Variants in ANXA8 observed in about 807,000 individuals in gnomAD.
The protein encoded by ANXA8 is annexin A8, also known as VAC-beta.
In ANXA8, 9 loss-of-function variants were observed where a neutral mutation model predicts 26.8. The observed-to-expected ratio is 0.34, with a 90% CI of 0.20 to 0.59. ANXA8 has a LOEUF of 0.59. Ranked by LOEUF, ANXA8 falls within the 20% of genes least tolerant of loss-of-function variation. The probability of loss-of-function intolerance (pLI) is 0.84; values close to 1 mark genes in which losing one functional copy is unlikely to be tolerated. For synonymous variants in ANXA8, 39 were observed against 94.8 expected (o/e 0.41, Z 3.42); for missense variants, 83 against 238.5 (o/e 0.35, Z 4.29).
the ANXA8 span, among the ~76,000 whole-genome samples, chr10:47,743,261 T>C: frequency 0.2 from 22,480 of 109,742 alleles, 3,118 homozygotes; most frequent in East Asian, 0.5. Flanking sequence ...TATATATATA[T>C]ATACATATAT....
At chr10:47,558,105 A>G in the ANXA8 span, among the ~76,000 whole-genome samples, 1 of 151,964 alleles carries the variant, frequency 6.6e-6, no homozygotes, top group African/African-American at 2.4e-5. Flanking sequence ...TTCTTTGGAA[A>G]CATCTGGATA....
At chr10:47,769,269 G>A in the ANXA8 span, among the ~76,000 whole-genome samples, 2 of 150,270 alleles carry the variant, frequency 1.3e-5, no homozygotes, top group Admixed American at 6.6e-5. Context: ...GGCATCTTAC[G>A]AGACCATCAA....
chr10:47,599,528 C>A, the ANXA8 span: 1 of 146,602 alleles, frequency 6.8e-6, no homozygotes, highest in Non-Finnish European at 1.5e-5. Context: ...AAGCAATATT[C>A]CAAAAAAGAT....
chr10:47,584,148 C>A, the ANXA8 span, among the ~76,000 whole-genome samples: 1 of 149,534 alleles, frequency 6.7e-6, no homozygotes, highest in East Asian at 1.9e-4. Context: ...CACTGCACTC[C>A]AGCCTGGGCG....
chr10:47,544,167 A>G, the ANXA8 span, among the ~76,000 whole-genome samples: 1 of 151,898 alleles, frequency 6.6e-6, no homozygotes, highest in African/African-American at 2.4e-5. Context: ...GTAGCCTTAA[A>G]TGCTTCCAAG....
chr10:47,771,972 C>A, the ANXA8 span, among the ~76,000 whole-genome samples: 1 of 151,660 alleles, frequency 6.6e-6, no homozygotes. Context: ...AGGGCTTACA[C>A]CATAAGAAGA....
chr10:47,901,898 C>T, the ANXA8 span, among the ~76,000 whole-genome samples: 1 of 150,880 alleles, frequency 6.6e-6, no homozygotes, highest in African/African-American at 2.4e-5. Context: ...ATGAACCGGA[C>T]ATTTAATGAG....
chr10:47,742,887 G>T, the ANXA8 span, among the ~76,000 whole-genome samples: 1 of 143,094 alleles, frequency 7.0e-6, no homozygotes, highest in African/African-American at 2.6e-5. Flanking sequence ...GGGCGCAGTG[G>T]CTCACGCCTG....
At chr10:47,974,884 G>C in the ANXA8 span, among the ~76,000 whole-genome samples, 6 of 149,556 alleles carry the variant, frequency 4.0e-5, no homozygotes, top group African/African-American at 1.5e-4. Flanking sequence ...TTGTTGGGTG[G>C]AGTGAATGTC....
chr10:47,582,121 C>T, the ANXA8 span: 4 of 151,150 alleles, frequency 2.6e-5, 1 homozygote, highest in African/African-American at 1.0e-4. Flanking sequence ...CTAGAAGCCA[C>T]TCTCTGGCCA....
At chr10:47,700,974 T>C in the ANXA8 span, among the ~76,000 whole-genome samples, 2 of 151,268 alleles carry the variant, frequency 1.3e-5, no homozygotes, top group Non-Finnish European at 2.9e-5. Context: ...CCCAGCTACA[T>C]AGGAGGCTGA....
At chr10:47,968,584 C>G in the ANXA8 span, among the ~76,000 whole-genome samples, 1 of 136,012 alleles carries the variant, frequency 7.4e-6, no homozygotes, top group African/African-American at 2.6e-5. Flanking sequence ...ACCACCTCCA[C>G]GACCACCACC....
chr10:47,494,864 A>G, the ANXA8 span, among the ~76,000 whole-genome samples: 234 of 151,046 alleles, frequency 1.5e-3, no homozygotes, highest in Non-Finnish European at 2.0e-3. Context: ...AAGGGAACCA[A>G]TAAGAGATGA....
chr10:47,683,302 C>T, the ANXA8 span, among the ~76,000 whole-genome samples: 2 of 143,502 alleles, frequency 1.4e-5, no homozygotes, highest in African/African-American at 5.2e-5. Context: ...AATCTTGGCT[C>T]ACTGCAAGCT....
At chr10:47,744,422 T>TTGGGGGGGGGGGGGGGAAGGGGGGGG in the ANXA8 span, among the ~76,000 whole-genome samples, 2 of 11,734 alleles carry the variant, frequency 1.7e-4, no homozygotes, top group African/African-American at 3.9e-4. Context: ...GGGGGGGGGG[T>TTGGGGGGGGGGGGGGGAAGGGGGGGG]TGGGGGGGAG....
At chr10:47,987,004 A>G in the ANXA8 span, 1 of 542,496 alleles carries the variant, frequency 1.8e-6, no homozygotes, top group African/African-American at 1.9e-5. Flanking sequence ...GCTGATGTGA[A>G]CACAGCCCGG....
chr10:47,720,515 T>C, the ANXA8 span, among the ~76,000 whole-genome samples: 1 of 146,878 alleles, frequency 6.8e-6, no homozygotes, highest in Non-Finnish European at 1.5e-5. Context: ...AAATGTTGTA[T>C]GGTAAAACTG....
the ANXA8 span, among the ~76,000 whole-genome samples, chr10:47,741,819 TA>T: frequency 6.8e-6 from 1 of 147,602 alleles, no homozygotes; most frequent in Non-Finnish European, 1.5e-5. Flanking sequence ...AAAACGATTA[TA>T]AAAAAAGAAT....
chr10:47,546,393 C>A, the ANXA8 span, among the ~76,000 whole-genome samples: 3 of 102,998 alleles, frequency 2.9e-5, no homozygotes, highest in African/African-American at 1.2e-4. Context: ...GCAGATAAGA[C>A]CAATTTTTTT....
Sources: gnomAD v4.1 joint callset for allele counts (sites outside exome capture counted in the v4.1 genomes callset) on GRCh38, gnomAD v4.1.1 for gene constraint, MANE v1.5 for transcripts, NCBI Gene and HGNC (gene_info 2026-07-23, HGNC 2026-07-21) for gene names.